Variants in SP100 observed in about 807,000 individuals in gnomAD.
SP100 encodes SP100 nuclear body protein.
SP100 carries 84 observed loss-of-function variants against 130.0 expected under a neutral mutation model. The observed-to-expected ratio is 0.65, with a 90% CI of 0.54 to 0.77. SP100 has a LOEUF of 0.77. Among genes scored for constraint, SP100 ranks in the 30% least tolerant of loss-of-function variants. SP100 has a pLI of 0.00. For synonymous variants in SP100, 331 were observed against 351.7 expected (o/e 0.94, Z 0.66); for missense variants, 978 against 1,052.2 (o/e 0.93, Z 0.97).
At chr2:230,494,589 T>C (rs2150046068) in intron 18 of SP100, 129 bp downstream of exon 18, 2 of 694,020 alleles carry the variant, frequency 2.9e-6, no homozygotes, top group Non-Finnish European at 5.1e-6. Flanking sequence ...ATGGATTCTT[T>C]AGAGTACCAG....
At chr2:230,518,635 T>C (rs1057397194) in intron 24 of SP100, among the ~76,000 whole-genome samples, 4 of 151,988 alleles carry the variant, frequency 2.6e-5, no homozygotes, top group African/African-American at 7.2e-5. Context: ...TATATGTTTA[T>C]CCCATTTACA....
chr2:230,518,679 A>G (rs1691034564), intron 24 of SP100, among the ~76,000 whole-genome samples: 1 of 152,064 alleles, frequency 6.6e-6, no homozygotes, highest in Admixed American at 6.5e-5. Context: ...ATTACTTATG[A>G]AAATTGATAT....
chr2:230,504,089 A>G (rs1349962771), intron 20 of SP100, 97 bp from the exon 21 acceptor site: 8 of 654,520 alleles, frequency 1.2e-5, no homozygotes, highest in Non-Finnish European at 1.9e-5. Context: ...CCTCCAATAC[A>G]TTTTGAATTA....
chr2:230,461,324 G>T lies in SP100; in HGVS notation c.883G>T (p.Asp295Tyr). The change falls in exon 9 of 29, where the codon GAT (aspartate) becomes TAT (tyrosine). Residue 295 changes from aspartate (D) to tyrosine (Y), a missense_variant. Asp to Tyr is a radical substitution (Grantham distance 160). Coordinates refer to ENST00000340126, the MANE Select transcript of SP100 (RefSeq NM_001080391.2). The stretch of plus-strand genomic sequence containing the variant: ...TAATTCCTGTTCTGTGCGACTGGTG[G>T]ATATAAAAAAGGAAAAGCCATTTTC... Reference protein sequence around the residue: ...QINSCSVRLVDIKKEKPFSNS... With the variant: ...QINSCSVRLVYIKKEKPFSNS... The T allele has an allele frequency of 6.2e-7, 1 of 1,614,068 alleles. No homozygotes were observed. Among genetic ancestry groups the T allele is most frequent in the Non-Finnish European group, 8.5e-7 (1 of 1,179,952 alleles).
intron 17 of SP100, among the ~76,000 whole-genome samples, chr2:230,487,003 G>A (rs1259263219): frequency 1.3e-5 from 2 of 152,128 alleles, no homozygotes; most frequent in Non-Finnish European, 2.9e-5. Flanking sequence ...CATATCCTTT[G>A]TCCACTTTTT....
intron 11 of SP100, among the ~76,000 whole-genome samples, chr2:230,466,054 G>A (rs757401296): frequency 6.6e-6 from 1 of 151,614 alleles, no homozygotes; most frequent in African/African-American, 2.4e-5. Flanking sequence ...GCTTGGTGGT[G>A]CACAACTATA....
chr2:230,474,247 T>C (rs373217438), intron 16 of SP100, 147 bp from the exon 17 acceptor site: 520 of 568,608 alleles, frequency 9.1e-4, no homozygotes, highest in African/African-American at 6.9e-3. Context: ...ATCAATTCAG[T>C]GTCTGTTTCC....
chr2:230,456,851 G>C (rs572295340), intron 8 of SP100, among the ~76,000 whole-genome samples: 1 of 152,078 alleles, frequency 6.6e-6, no homozygotes, highest in African/African-American at 2.4e-5. Context: ...TTTTCTTAAG[G>C]TTTGCTGAGA....
At chr2:230,480,099 A>G (rs2065762753) in intron 17 of SP100, among the ~76,000 whole-genome samples, 1 of 152,152 alleles carries the variant, frequency 6.6e-6, no homozygotes, top group East Asian at 1.9e-4. Context: ...TTACTTTTCC[A>G]CAAAACACTC....
chr2:230,504,073 G>C lies in SP100; in HGVS notation c.1766-113G>C, dbSNP rs949676071. ...TTTGAAATGTAACTGATTCATGGGG[G>C]AAATACCTCCAATACATTTTGAATT... is the stretch of plus-strand genomic sequence containing the variant. On this transcript the variant is annotated intron_variant, in intron 20 of 28. Coordinates refer to ENST00000340126, the MANE Select transcript of SP100 (RefSeq NM_001080391.2). 1.7e-5 allele frequency: 10 copies of C among 598,092 alleles called. No homozygotes were observed. In the African/African-American group the frequency reaches 1.7e-4, roughly 10 times the overall value. The allele number at this position is 598,092 out of a possible 1,614,324, so 37.0% of individuals were successfully genotyped here.
rs1692256609 is a variant in SP100 at position 230,544,140 on chromosome 2, A to C, written c.*1194A>C. 6.6e-6 allele frequency: 1 copy of C among 152,244 alleles called. No individual in the cohort carries two copies. Among genetic ancestry groups the C allele is most frequent in the Non-Finnish European group, 1.5e-5 (1 of 68,050 alleles). The allele number at this position is 152,244 out of a possible 1,614,324, so 9.4% of individuals were successfully genotyped here. On this transcript the variant is annotated 3_prime_UTR_variant, in exon 29 of 29. Transcript: ENST00000340126. ...TTCCTTACACCATATACAAAAATCA[A>C]CTCAAGATCAATTAAAGACTTAATG...
At chr2:230,474,021 A>C (rs549074924) in intron 16 of SP100, among the ~76,000 whole-genome samples, 11 of 152,254 alleles carry the variant, frequency 7.2e-5, no homozygotes, top group Non-Finnish European at 1.2e-4. Flanking sequence ...TCTTATGCTA[A>C]AAATACATTG....
chr2:230,536,795 G>A (rs1418380888), intron 24 of SP100, among the ~76,000 whole-genome samples: 2 of 60,716 alleles, frequency 3.3e-5, no homozygotes, highest in Admixed American at 1.8e-4. Context: ...GGCTTTCTGC[G>A]TGGCAAGCAG....
chr2:230,424,689 G>A (rs1289126877), intron 2 of SP100, among the ~76,000 whole-genome samples: 1 of 150,578 alleles, frequency 6.6e-6, no homozygotes, highest in African/African-American at 2.4e-5. Context: ...AAAAAAAGTG[G>A]GGGTGGAGCA....
At chr2:230,472,256 A>G (rs968493012) in intron 15 of SP100, among the ~76,000 whole-genome samples, 4 of 151,742 alleles carry the variant, frequency 2.6e-5, no homozygotes, top group African/African-American at 9.7e-5. Context: ...GTGAAACCCC[A>G]TCTCTACTAA....
intron 24 of SP100, among the ~76,000 whole-genome samples, chr2:230,535,070 C>T (rs1691869085): frequency 6.6e-6 from 1 of 152,124 alleles, no homozygotes; most frequent in Admixed American, 6.5e-5. Context: ...GTGGCAGGCA[C>T]CTGTAGTCCC....
At chr2:230,487,017 GGTTTT>G (rs985796338) in intron 17 of SP100, among the ~76,000 whole-genome samples, 7 of 151,882 alleles carry the variant, frequency 4.6e-5, no homozygotes, top group African/African-American at 9.7e-5. Flanking sequence ...ACTTTTTGAT[GGTTTT>G]GTTTTTTCTT....
chr2:230,429,107 C>T (rs527883578), intron 2 of SP100, among the ~76,000 whole-genome samples: 105 of 152,258 alleles, frequency 6.9e-4, no homozygotes, highest in African/African-American at 2.4e-3. Flanking sequence ...GCTTGAAGAA[C>T]CCCTCTAGCA....
chr2:230,536,595 C>T (rs1004806132), intron 24 of SP100, among the ~76,000 whole-genome samples: 4 of 152,100 alleles, frequency 2.6e-5, no homozygotes, highest in African/African-American at 9.7e-5. Context: ...CCAATAATCT[C>T]CTTCCTGTTA....
Sources: gnomAD v4.1 joint callset for allele counts (sites outside exome capture counted in the v4.1 genomes callset) on GRCh38, gnomAD v4.1.1 for gene constraint, MANE v1.5 for transcripts, NCBI Gene and HGNC (gene_info 2026-07-23, HGNC 2026-07-21) for gene names.